The following ATP8B4 variants were observed in gnomAD, a reference collection of about 807,000 sequenced individuals.
ATP8B4 encodes probable phospholipid-transporting ATPase IM.
ATP8B4 carries 133 observed loss-of-function variants against 145.6 expected under a neutral mutation model. That is an observed-to-expected ratio of 0.91 (90% confidence interval 0.79 to 1.05). ATP8B4 has a LOEUF of 1.05. Among genes scored for constraint, ATP8B4 ranks in the 50% least tolerant of loss-of-function variants. The pLI, the probability that ATP8B4 is intolerant of heterozygous loss-of-function variation, is 0.00. For missense variants in ATP8B4, 1,458 were observed against 1,425.2 expected, an observed-to-expected ratio of 1.02 and a Z score of -0.37; for synonymous variants, 507 against 492.9, an observed-to-expected ratio of 1.03 and a Z score of -0.38.
intron 1 of ATP8B4, among the ~76,000 whole-genome samples, chr15:50,163,949 C>T (rs1032021899): frequency 1.3e-5 from 2 of 152,092 alleles, no homozygotes; most frequent in African/African-American, 2.4e-5. Context: ...TGGCTACTTC[C>T]AGTGTTCTCT....
At chr15:50,064,016 C>T (rs947222432) in intron 3 of ATP8B4, among the ~76,000 whole-genome samples, 1 of 151,970 alleles carries the variant, frequency 6.6e-6, no homozygotes, top group Non-Finnish European at 1.5e-5. Context: ...AATGAGGTCC[C>T]CTCTTCTAAA....
In ATP8B4 at chr15:49,979,677, A is replaced by G. The variant is rs2153532661; in HGVS notation, c.974T>C (p.Leu325Ser). ...GEKSSVFSGF[L>S]TFWSYIIILN... is the part of the protein sequence containing the mutation. ...AATAATAATATATGACCAGAATGTT[A>G]AGAATCCGGAGAACACAGAGCTCTT... Residue 325 changes from leucine (L) to serine (S), a missense_variant, in exon 12 of 28, where the codon TTA (leucine) becomes TCA (serine). Leu to Ser is a moderately radical substitution (Grantham distance 145). Transcript: ENST00000284509. The G allele has an allele frequency of 1.9e-6, 3 of 1,606,184 alleles. No homozygotes were observed. The East Asian group carries it at 6.7e-5, about 36-fold the overall frequency.
chr15:49,874,583 T>A (rs2034117210), intron 25 of ATP8B4, among the ~76,000 whole-genome samples: 2 of 152,222 alleles, frequency 1.3e-5, no homozygotes, highest in Non-Finnish European at 2.9e-5. Context: ...CAAAACATCC[T>A]GAATGAGGGG....
intron 14 of ATP8B4, among the ~76,000 whole-genome samples, chr15:49,942,182 G>A (rs1175129782): frequency 6.6e-6 from 1 of 151,870 alleles, no homozygotes; most frequent in Non-Finnish European, 1.5e-5. Flanking sequence ...TACCCCAAAT[G>A]CTATTGAAAT....
At chr15:49,874,791 A>C (rs1252275184) in intron 25 of ATP8B4, among the ~76,000 whole-genome samples, 1 of 152,188 alleles carries the variant, frequency 6.6e-6, no homozygotes, top group Admixed American at 6.5e-5. Flanking sequence ...TGACTAAACA[A>C]TGTTTTTAAA....
intron 9 of ATP8B4, among the ~76,000 whole-genome samples, chr15:49,994,198 T>C (rs1045748304): frequency 1.3e-5 from 2 of 152,134 alleles, no homozygotes; most frequent in Admixed American, 1.3e-4. Context: ...ATTTAAAAAC[T>C]ACCATGCCAG....
intron 3 of ATP8B4, among the ~76,000 whole-genome samples, chr15:50,050,998 T>C (rs1271231115): frequency 1.3e-5 from 2 of 152,176 alleles, no homozygotes; most frequent in Non-Finnish European, 2.9e-5. Flanking sequence ...AGTCATCTGT[T>C]AAATGACCAT....
chr15:49,923,424 ATGAAGTTTTTCAAAC>A lies in ATP8B4; in HGVS notation c.1698_1712del (p.Phe567_His571del). The A allele has an allele frequency of 1.9e-6, 3 of 1,613,786 alleles. No individual in the cohort carries two copies. Among genetic ancestry groups the A allele is most frequent in the Non-Finnish European group, 2.5e-6 (3 of 1,179,764 alleles). On this transcript the variant is annotated inframe_deletion, in exon 17 of 28. Transcript: ENST00000284509. ...AAGACAAAAGGACTTCATTGGAAGG[ATGAAGTTTTTCAAAC>A]AGAATAGTATCTGCTCCTTTGGAAT...
In ATP8B4 at chr15:49,973,697, C is replaced by T. The variant is rs2045392457; in HGVS notation, c.1035-907G>A. On this transcript the variant is annotated intron_variant, in intron 12 of 27. Transcript: ENST00000284509. ...TCTAGTAATCATTTATGACTTCCAGCTCCAGAAGCAGAATTTTTATGGCAA... is the reference window on the plus strand; with the variant it reads ...TCTAGTAATCATTTATGACTTCCAGTTCCAGAAGCAGAATTTTTATGGCAA... Among the ~76,000 whole-genome samples the T allele has an allele frequency of 5.9e-5, 9 of 152,278 alleles. No homozygotes were observed. The South Asian group carries it at 1.9e-3, about 32-fold the overall frequency.
intron 23 of ATP8B4, chr15:49,897,020 T>C: frequency 2.8e-6 from 1 of 356,392 alleles, no homozygotes; most frequent in Non-Finnish European, 5.1e-6. Flanking sequence ...CCAAAAACAT[T>C]TCAACAAAAA....
At chr15:50,051,224 T>G (rs967887001) in intron 3 of ATP8B4, among the ~76,000 whole-genome samples, 1 of 152,226 alleles carries the variant, frequency 6.6e-6, no homozygotes, top group Non-Finnish European at 1.5e-5. Flanking sequence ...TCAGCACTTC[T>G]CCTTGTTGCC....
At chr15:50,072,946 CTCTCTCT>C (rs1567305845) in intron 3 of ATP8B4, among the ~76,000 whole-genome samples, 3 of 26,354 alleles carry the variant, frequency 1.1e-4, no homozygotes, top group Non-Finnish European at 2.0e-4. Context: ...CTCTCTCTCT[CTCTCTCT>C]CTCTCTCTCT....
At chr15:49,987,653 C>G (rs943170181) in intron 9 of ATP8B4, 104 bp from the exon 10 acceptor site, 9 of 1,174,264 alleles carry the variant, frequency 7.7e-6, no homozygotes, top group Non-Finnish European at 8.2e-6. Context: ...CTTTAGACAG[C>G]CTGGGGTTAC....
At chr15:50,082,903 T>G (rs2153644349) in intron 2 of ATP8B4, among the ~76,000 whole-genome samples, 3 of 152,284 alleles carry the variant, frequency 2.0e-5, no homozygotes, top group Middle Eastern at 6.8e-3. Flanking sequence ...CTAGCAAGAT[T>G]ATGCGGTAAA....
intron 14 of ATP8B4, among the ~76,000 whole-genome samples, chr15:49,940,230 A>T (rs571600912): frequency 2.6e-5 from 4 of 152,308 alleles, no homozygotes; most frequent in African/African-American, 9.6e-5. Context: ...AAAGAATGAA[A>T]TCATGCCCTT....
chr15:49,973,464 C>T (rs1478896417), intron 12 of ATP8B4, among the ~76,000 whole-genome samples: 1 of 152,130 alleles, frequency 6.6e-6, no homozygotes, highest in Non-Finnish European at 1.5e-5. Flanking sequence ...CTCTCCAATA[C>T]ATTGTTTGAT....
At chr15:50,173,321 A>G (rs1271214832) in intron 1 of ATP8B4, among the ~76,000 whole-genome samples, 5 of 152,226 alleles carry the variant, frequency 3.3e-5, no homozygotes, top group African/African-American at 9.6e-5. Flanking sequence ...AGAAGTAGAC[A>G]TAGGAGACTC....
At chr15:50,160,676 A>G (rs569762196) in intron 1 of ATP8B4, among the ~76,000 whole-genome samples, 133 of 151,990 alleles carry the variant, frequency 8.8e-4, no homozygotes, top group African/African-American at 3.1e-3. Flanking sequence ...AAATGTTTGT[A>G]TAGTTACCAA....
intron 20 of ATP8B4, among the ~76,000 whole-genome samples, chr15:49,910,693 C>T (rs370797820): frequency 7.9e-5 from 12 of 152,142 alleles, no homozygotes; most frequent in African/African-American, 2.9e-4. Context: ...CAGGATAATA[C>T]ATTCAAAGTG....
Sources: allele counts gnomAD v4.1 joint callset (sites outside exome capture counted in the v4.1 genomes callset), GRCh38; gene constraint gnomAD v4.1.1; transcripts MANE v1.5; gene names NCBI Gene and HGNC (gene_info 2026-07-23, HGNC 2026-07-21).